SLC6A16: variants seen among roughly 807,000 people sequenced by gnomAD.
SLC6A16 encodes solute carrier family 6 member 16.
A neutral mutation model predicts 65.4 loss-of-function variants in SLC6A16; 54 were observed. The observed-to-expected ratio is 0.83, with a 90% CI of 0.66 to 1.04. SLC6A16 has a LOEUF of 1.04. Among genes scored for constraint, SLC6A16 ranks in the 50% least tolerant of loss-of-function variants. The pLI is 0.00. For missense variants in SLC6A16, 816 were observed against 914.0 expected (o/e 0.89, Z 1.38); for synonymous variants, 330 against 346.5 (o/e 0.95, Z 0.53).
chr19:49,302,169 G>A (rs1002796111), intron 7 of SLC6A16, among the ~76,000 whole-genome samples: 4 of 152,152 alleles, frequency 2.6e-5, no homozygotes, highest in African/African-American at 9.7e-5. Context: ...CCATTAATGA[G>A]CCTGCAACTA....
In SLC6A16 at chr19:49,319,450, C is replaced by CATATGTGTATATGTGTATATGT. The variant is rs1568540538; in HGVS notation, c.-65+5597_-65+5598insACATATACACATATACACATAT. ...TTGTATATACATATAAATACATATA[C>CATATGTGTATATGTGTATATGT]ATATACATATGTGTATATGTGTATA... On this transcript the variant is annotated intron_variant, in intron 1 of 11. Coordinates refer to ENST00000335875, the MANE Select transcript of SLC6A16 (RefSeq NM_014037.3). Among the ~76,000 whole-genome samples, 126 of 149,886 alleles carry CATATGTGTATATGTGTATATGT rather than the reference C, an allele frequency of 8.4e-4. No homozygotes were observed. The South Asian group carries it at 0.013, about 16-fold the overall frequency.
intron 2 of SLC6A16, among the ~76,000 whole-genome samples, 161 bp downstream of exon 2, chr19:49,310,772 C>T (rs1055466363): frequency 1.3e-5 from 2 of 152,320 alleles, no homozygotes; most frequent in South Asian, 4.1e-4. Context: ...ATACCCTGAA[C>T]CTCTCATGAT....
chr19:49,331,112 G>A, the SLC6A16 span, among the ~76,000 whole-genome samples: 1 of 152,158 alleles, frequency 6.6e-6, no homozygotes, highest in Non-Finnish European at 1.5e-5. Context: ...TAAGGTGTCA[G>A]CACGCCACTT....
upstream of SLC6A16, chr19:49,325,192 G>C: frequency 1.0e-6 from 1 of 985,518 alleles, no homozygotes; most frequent in Non-Finnish European, 1.2e-6. Flanking sequence ...CCCTCGATCT[G>C]CCTGGCGCGC....
chr19:49,339,652 C>T, the SLC6A16 span: 2 of 1,428,942 alleles, frequency 1.4e-6, no homozygotes, highest in Non-Finnish European at 9.1e-7. The surrounding 1 kb of genome is among the most constrained non-coding windows in gnomAD (Gnocchi z 4.5). Context: ...TCCCCTTTCT[C>T]CGCAGATGAC....
upstream of SLC6A16, among the ~76,000 whole-genome samples, chr19:49,328,254 A>G (rs960591730): frequency 2.0e-5 from 3 of 152,240 alleles, no homozygotes; most frequent in African/African-American, 7.2e-5. Context: ...GGCAAAGGGG[A>G]AAAAAGGCAC....
intron 7 of SLC6A16, among the ~76,000 whole-genome samples, chr19:49,307,556 C>T (rs892231100): frequency 1.8e-4 from 28 of 151,658 alleles, no homozygotes; most frequent in Non-Finnish European, 1.9e-4. Context: ...AGAGGTCGGG[C>T]GCGGTGGCTC....
rs1239227099 is a variant in SLC6A16, at chr19:49,311,061, T to C, written c.287A>G (p.Glu96Gly). Reference sequence around the variant, plus strand: ...CGGACGGGCAAGGAGGACCTCACTCTCTTTCTTCTCTGTCATCTGCACCTT... The same window carrying C: ...CGGACGGGCAAGGAGGACCTCACTCCCTTTCTTCTCTGTCATCTGCACCTT... ...HEKVQMTEKK[E>G]SEVLLARPFW... The change falls in exon 2 of 12, where the codon GAG becomes GGG. Residue 96 changes from glutamate to glycine, a missense_variant. Transcript: ENST00000335875. 2 of 1,614,096 alleles carry C rather than the reference T, an allele frequency of 1.2e-6. No individual in the cohort carries two copies. Among genetic ancestry groups the C allele is most frequent in the South Asian group, 1.1e-5 (1 of 91,086 alleles).
the SLC6A16 span, among the ~76,000 whole-genome samples, chr19:49,331,393 G>A: frequency 6.6e-6 from 1 of 152,064 alleles, no homozygotes; most frequent in Non-Finnish European, 1.5e-5. Flanking sequence ...TGTTGCCCAG[G>A]CTGGTCTCGA....
intron 7 of SLC6A16, among the ~76,000 whole-genome samples, chr19:49,296,349 GA>G (rs1222171673): frequency 6.6e-6 from 1 of 151,720 alleles, no homozygotes; most frequent in African/African-American, 2.4e-5. Flanking sequence ...AACGATTTTG[GA>G]AAAAAAATAG....
rs751710599 is a variant in SLC6A16 at position 49,309,113 on chromosome 19, G to T, written c.992C>A (p.Ser331Ter). The change falls in exon 7 of 12, where the codon TCG becomes TAG. Residue 331 changes from serine to a stop codon, truncating the protein, a stop_gained. Coordinates refer to ENST00000335875, the MANE Select transcript of SLC6A16 (RefSeq NM_014037.3). LOFTEE classifies it high-confidence loss of function. Reference sequence around the variant, plus strand: ...CCACACACTCATATTGTACACATCCGATATCTAAAAGAGAGAAGACAAGCA... The same window carrying T: ...CCACACACTCATATTGTACACATCCTATATCTAAAAGAGAGAAGACAAGCA... Reference protein sequence around the residue: ...GLQQLVVAKISDVYNMSVWSL... With the variant: ...GLQQLVVAKI 1.2e-5 allele frequency: 20 copies of T among 1,613,872 alleles called. No individual in the cohort carries two copies. Among genetic ancestry groups the T allele is most frequent in the Non-Finnish European group, 1.6e-5 (19 of 1,179,938 alleles).
the SLC6A16 span, chr19:49,337,883 G>T: frequency 6.2e-7 from 1 of 1,611,796 alleles, no homozygotes; most frequent in Admixed American, 1.7e-5. Context: ...GGGAGGGGTG[G>T]GGCGGGGAAG....
At chr19:49,329,512 G>A (rs991799554), upstream of SLC6A16, among the ~76,000 whole-genome samples, 1 of 152,096 alleles carries the variant, frequency 6.6e-6, no homozygotes, top group African/African-American at 2.4e-5. Context: ...GCCGGGAGCG[G>A]TGGCTTGCAC....
At position 49,292,151 on chromosome 19, in the gene SLC6A16, G is replaced by A. The variant is rs1267423545; in HGVS notation, c.1778+1072C>T. Among the ~76,000 whole-genome samples the A allele has an allele frequency of 6.6e-6, 1 of 152,106 alleles. No homozygotes were observed. The highest frequency in any genetic ancestry group is 1.5e-5 in the Non-Finnish European group (1 of 68,004). On this transcript the variant is annotated intron_variant, in intron 10 of 11. Transcript: ENST00000335875. This position sits in a 1 kb window ranked among gnomAD's most constrained non-coding sequence, Gnocchi z 4.3. ...TTGGGAGGCTGAGGCAGGTGATCAC[G>A]AGGTCAAGAGTTCGAGACCAGCCTG...
chr19:49,314,094 TCA>T (rs542854528), intron 1 of SLC6A16, among the ~76,000 whole-genome samples: 1,559 of 56,594 alleles, frequency 0.028, 34 homozygotes, highest in African/African-American at 0.18. Flanking sequence ...AGACTCCGTC[TCA>T]AAAAAAAAAA....
At position 49,293,240 on chromosome 19, in the gene SLC6A16, C is replaced by A; in HGVS notation, c.1761G>T (p.Trp587Cys). Reference sequence around the variant, plus strand: ...GACATCACCTCCTGGCCCCATAGGCCCAGGATACAGCCATGGTTTCAAATA... The same window carrying A: ...GACATCACCTCCTGGCCCCATAGGCACAGGATACAGCCATGGTTTCAAATA... ...VVVFETMAVS[W>C]AYGARRFLAD... is the part of the protein sequence containing the mutation. Residue 587 changes from tryptophan (W) to cysteine (C), a missense_variant, in exon 10 of 12, where the codon TGG becomes TGT. By Grantham distance (215) the Trp-to-Cys change is radical. Transcript: ENST00000335875. The A allele has an allele frequency of 6.2e-7, 1 of 1,614,054 alleles. No individual in the cohort carries two copies. Among genetic ancestry groups the A allele is most frequent in the Non-Finnish European group, 8.5e-7 (1 of 1,180,016 alleles).
intron 1 of SLC6A16, among the ~76,000 whole-genome samples, chr19:49,314,947 A>C (rs1274607824): frequency 6.6e-6 from 1 of 152,154 alleles, no homozygotes; most frequent in Non-Finnish European, 1.5e-5. Flanking sequence ...TGCCACTCCT[A>C]CAATTCACCA....
intron 1 of SLC6A16, among the ~76,000 whole-genome samples, chr19:49,322,735 G>A (rs1186544363): frequency 1.4e-5 from 2 of 140,308 alleles, no homozygotes; most frequent in Non-Finnish European, 3.0e-5. Flanking sequence ...TAAATAAATG[G>A]AAAAATATCC....
the SLC6A16 span, among the ~76,000 whole-genome samples, chr19:49,331,368 G>A: frequency 1.3e-5 from 2 of 152,046 alleles, no homozygotes; most frequent in Non-Finnish European, 2.9e-5. Context: ...AATTTTTGTA[G>A]ACAGGGTCTC....
Sources: allele counts gnomAD v4.1 joint callset (sites outside exome capture counted in the v4.1 genomes callset), GRCh38; gene constraint gnomAD v4.1.1; non-coding constraint Gnocchi (gnomAD v3.1); transcripts MANE v1.5; gene names NCBI Gene and HGNC (gene_info 2026-07-23, HGNC 2026-07-21).